Variants in CARMIL1 observed in about 807,000 individuals in gnomAD.
CARMIL1 encodes F-actin-uncapping protein LRRC16A.
A neutral mutation model predicts 177.1 loss-of-function variants in CARMIL1; 90 were observed. That is an observed-to-expected ratio of 0.51 (90% CI 0.43 to 0.61). The LOEUF (loss-of-function observed/expected upper bound fraction) is 0.61. CARMIL1 is among the 20% of genes least tolerant of loss of function. The probability of loss-of-function intolerance (pLI) is 0.00; values close to 1 mark genes in which losing one functional copy is unlikely to be tolerated. For missense variants in CARMIL1, 1,380 were observed against 1,667.0 expected (o/e 0.83, Z 3.00); for synonymous variants, 577 against 606.2 (o/e 0.95, Z 0.71).
chr6:25,523,025 C>T (rs573873659), intron 23 of CARMIL1, among the ~76,000 whole-genome samples: 1 of 152,304 alleles, frequency 6.6e-6, no homozygotes, highest in South Asian at 2.1e-4. Context: ...TCTCAAACTC[C>T]TGCACTCAAG....
Position 25,516,228 on chromosome 6 carries a change from C to T in CARMIL1, c.1805+381C>T, listed in dbSNP as rs947049022. Among the ~76,000 whole-genome samples the T allele has an allele frequency of 3.9e-5, 6 of 152,162 alleles. No individual in the cohort carries two copies. In the South Asian group the frequency reaches 8.3e-4, roughly 21 times the overall value. ...TCTCTGTGAGCCCAAGGTCTTAACC[C>T]CCTTGCTCATGCCTGCCGATATAAA... On this transcript the variant is annotated intron_variant, in intron 21 of 36. Coordinates refer to ENST00000329474, the MANE Select transcript of CARMIL1 (RefSeq NM_017640.6).
At chr6:25,423,548 G>T (rs559755046) in intron 3 of CARMIL1, among the ~76,000 whole-genome samples, 1 of 152,294 alleles carries the variant, frequency 6.6e-6, no homozygotes, top group East Asian at 1.9e-4. Flanking sequence ...GGAGGAGGCG[G>T]TGGTGGGAGG....
intron 31 of CARMIL1, among the ~76,000 whole-genome samples, chr6:25,587,433 T>A (rs895635596): frequency 6.6e-6 from 1 of 152,170 alleles, no homozygotes; most frequent in African/African-American, 2.4e-5. Flanking sequence ...TTAAAAAACC[T>A]GAGCCAACTT....
In CARMIL1 at chr6:25,349,725, ATTTTT is replaced by A. The variant is rs67971403; in HGVS notation, c.138+64834_138+64838del. Among the ~76,000 whole-genome samples, 484 of 93,518 alleles carry A rather than the reference ATTTTT, an allele frequency of 5.2e-3. 2 individuals are homozygous for A. The highest frequency in any genetic ancestry group is 0.027 in the Middle Eastern group (5 of 184). The allele number at this position is 93,518 out of a possible 152,430, so 61.4% of individuals were successfully genotyped here. A position where few individuals can be genotyped will look rare whatever the true frequency, so the allele number is the denominator to read the frequency against. On this transcript the variant is annotated intron_variant, in intron 2 of 36. Transcript: ENST00000329474. The stretch of plus-strand genomic sequence containing the variant: ...TGCCCTGATCTAAACCAGTCCCCTC[ATTTTT>A]TTTTTTTTTTTTTTTTTGAGATGGA...
chr6:25,380,618 T>G (rs1444054932), intron 2 of CARMIL1, among the ~76,000 whole-genome samples: 1 of 152,240 alleles, frequency 6.6e-6, no homozygotes, highest in East Asian at 1.9e-4. Flanking sequence ...TTGAATTAGA[T>G]TTCATGTTTG....
chr6:25,366,161 TA>T (rs112844891), intron 2 of CARMIL1, among the ~76,000 whole-genome samples: 3,326 of 144,212 alleles, frequency 0.023, 90 homozygotes, highest in African/African-American at 0.074. Context: ...CCTGGCTAAT[TA>T]AAAAAAAAAA....
intron 2 of CARMIL1, among the ~76,000 whole-genome samples, chr6:25,376,687 G>T (rs1791019955): frequency 6.6e-6 from 1 of 152,044 alleles, no homozygotes; most frequent in Non-Finnish European, 1.5e-5. Flanking sequence ...TTATCTCATT[G>T]CACTTTTTAA....
intron 2 of CARMIL1, among the ~76,000 whole-genome samples, chr6:25,355,104 A>T (rs9467474): frequency 6.6e-6 from 1 of 152,176 alleles, no homozygotes; most frequent in African/African-American, 2.4e-5. Flanking sequence ...GAGGCCATTA[A>T]TAAAATAAAA....
intron 23 of CARMIL1, among the ~76,000 whole-genome samples, chr6:25,522,850 C>T (rs1806710993): frequency 6.6e-6 from 1 of 152,162 alleles, no homozygotes; most frequent in Admixed American, 6.5e-5. Flanking sequence ...GGCTCTGTTG[C>T]CCAAGCTGGA....
intron 2 of CARMIL1, among the ~76,000 whole-genome samples, chr6:25,346,171 A>G (rs79125521): frequency 1.3e-5 from 2 of 151,954 alleles, no homozygotes; most frequent in African/African-American, 4.8e-5. Flanking sequence ...TCAGAGTAAA[A>G]CTGAAGTGTT....
intron 29 of CARMIL1, chr6:25,563,988 GA>G (rs1811349870): frequency 2.3e-6 from 1 of 430,068 alleles, no homozygotes; most frequent in African/African-American, 2.1e-5. Flanking sequence ...CATAAAGTAT[GA>G]ATATATTTTG....
At position 25,606,046 on chromosome 6, in the gene CARMIL1, C is replaced by A. The variant is rs754650004; in HGVS notation, c.3635-15C>A. 34 of 1,589,922 alleles carry A rather than the reference C, an allele frequency of 2.1e-5. 1 individual carries two copies. In the South Asian group the frequency reaches 3.0e-4, roughly 14 times the overall value. On this transcript the variant is annotated splice_polypyrimidine_tract_variant and intron_variant, in intron 34 of 36. Transcript: ENST00000329474. ...CTTTGACCTTTGATTTTTAAAGTGG[C>A]CTTTTTCATCTTAGTGCCTAAACTG...
At chr6:25,565,291 A>C (rs1459907327) in intron 29 of CARMIL1, among the ~76,000 whole-genome samples, 1 of 152,164 alleles carries the variant, frequency 6.6e-6, no homozygotes, top group African/African-American at 2.4e-5. Context: ...AAAGGTGAGG[A>C]AGCTGTAAGA....
At chr6:25,604,791 G>C in intron 33 of CARMIL1, 21 bp from the exon 34 acceptor site, 1 of 1,556,634 alleles carries the variant, frequency 6.4e-7, no homozygotes, top group Non-Finnish European at 8.7e-7. Context: ...TTTTTGGGGG[G>C]ATGGTGCTTG....
intron 2 of CARMIL1, among the ~76,000 whole-genome samples, chr6:25,300,620 G>A (rs1782783178): frequency 6.6e-6 from 1 of 152,244 alleles, no homozygotes; most frequent in African/African-American, 2.4e-5. Context: ...CTGCACTCCA[G>A]CCTGGGTGAC....
At chr6:25,595,060 G>A (rs1221711643) in intron 32 of CARMIL1, among the ~76,000 whole-genome samples, 1 of 152,202 alleles carries the variant, frequency 6.6e-6, no homozygotes, top group Non-Finnish European at 1.5e-5. Flanking sequence ...AGAGCCCTCA[G>A]AGTCAGCATT....
At chr6:25,386,536 C>G (rs556261534) in intron 2 of CARMIL1, among the ~76,000 whole-genome samples, 5 of 152,210 alleles carry the variant, frequency 3.3e-5, no homozygotes, top group Non-Finnish European at 1.5e-5. Context: ...AGCCACCATG[C>G]CTGGCTTGTT....
chr6:25,574,280 T>C (rs1812387083), intron 29 of CARMIL1, among the ~76,000 whole-genome samples: 1 of 152,180 alleles, frequency 6.6e-6, no homozygotes, highest in Admixed American at 6.5e-5. Context: ...TCCTAAGAAA[T>C]TACAAAAATT....
At chr6:25,496,844 ATGT>A (rs972652615) in intron 16 of CARMIL1, among the ~76,000 whole-genome samples, 20 of 152,200 alleles carry the variant, frequency 1.3e-4, no homozygotes, top group Non-Finnish European at 1.0e-4. Context: ...AATTGTTTCA[ATGT>A]TGTTTACTTT....
Sources: gnomAD v4.1 joint callset for allele counts (sites outside exome capture counted in the v4.1 genomes callset) on GRCh38, gnomAD v4.1.1 for gene constraint, MANE v1.5 for transcripts, NCBI Gene and HGNC (gene_info 2026-07-23, HGNC 2026-07-21) for gene names.